Variants in ATP11A observed in about 807,000 individuals in gnomAD.
ATP11A encodes phospholipid-transporting ATPase IH.
A neutral mutation model predicts 154.4 loss-of-function variants in ATP11A; 81 were observed. That is an observed-to-expected ratio of 0.52 (90% CI 0.44 to 0.63). The LOEUF is 0.63. Among genes scored for constraint, ATP11A ranks in the 30% least tolerant of loss-of-function variants. The pLI, the probability that ATP11A is intolerant of heterozygous loss-of-function variation, is 0.00. For synonymous variants in ATP11A, 623 were observed against 585.9 expected (o/e 1.06, Z -0.91); for missense variants, 1,316 against 1,474.3 (o/e 0.89, Z 1.76).
At chr13:112,722,412 G>A (rs1889309964) in intron 1 of ATP11A, among the ~76,000 whole-genome samples, 3 of 152,160 alleles carry the variant, frequency 2.0e-5, no homozygotes, top group Non-Finnish European at 2.9e-5. Flanking sequence ...AGGAATGTCT[G>A]GGTTGGGGTA....
chr13:112,845,543 T>C (rs79918084), intron 17 of ATP11A, among the ~76,000 whole-genome samples: 733 of 53,454 alleles, frequency 0.014, 118 homozygotes, highest in African/African-American at 0.061. Context: ...GTCCAGTTGC[T>C]GGCACTAGCG....
At position 112,807,513 on chromosome 13, in the gene ATP11A, C is replaced by A. The variant is rs1223638708; in HGVS notation, c.333+1220C>A. 6.6e-6 allele frequency among the ~76,000 whole-genome samples: 1 copy of A among 152,198 alleles called. No homozygotes were observed. Among genetic ancestry groups the A allele is most frequent in the Non-Finnish European group, 1.5e-5 (1 of 68,028 alleles). On this transcript the variant is annotated intron_variant, in intron 4 of 29. Transcript: ENST00000375645. This position sits in a 1 kb window ranked among gnomAD's most constrained non-coding sequence, Gnocchi z 4.5. ...GAACAGAACATGAGGGAGACTCACG[C>A]TTCCCAAGGACGCGCTGCCTGTGAC...
At chr13:112,730,219 A>G (rs1251647097) in intron 1 of ATP11A, among the ~76,000 whole-genome samples, 1 of 152,218 alleles carries the variant, frequency 6.6e-6, no homozygotes, top group Non-Finnish European at 1.5e-5. Flanking sequence ...ACCTCGGAGG[A>G]GTCCAATCTG....
intron 6 of ATP11A, among the ~76,000 whole-genome samples, chr13:112,818,188 T>A (rs2078696906): frequency 6.7e-6 from 1 of 149,398 alleles, no homozygotes; most frequent in African/African-American, 2.5e-5. Context: ...TGACCGTCGG[T>A]GCGCTTGGTG....
At chr13:112,795,237 T>G (rs2077969668) in intron 2 of ATP11A, among the ~76,000 whole-genome samples, 1 of 152,198 alleles carries the variant, frequency 6.6e-6, no homozygotes, top group African/African-American at 2.4e-5. Context: ...AGAGTGAGAC[T>G]TCATCTCAAA....
intron 17 of ATP11A, among the ~76,000 whole-genome samples, chr13:112,846,473 G>C (rs919242408): frequency 6.6e-5 from 10 of 152,302 alleles, no homozygotes; most frequent in South Asian, 4.1e-4. Context: ...CGCCAGCGTG[G>C]TTTTGTATCC....
At chr13:112,791,125 C>T (rs1489061887) in intron 2 of ATP11A, among the ~76,000 whole-genome samples, 2 of 152,226 alleles carry the variant, frequency 1.3e-5, no homozygotes, top group African/African-American at 2.4e-5. Context: ...CCATCCCCCA[C>T]CCTCCAGCCC....
At chr13:112,698,444 G>A (rs1459990022) in intron 1 of ATP11A, among the ~76,000 whole-genome samples, 3 of 152,174 alleles carry the variant, frequency 2.0e-5, no homozygotes, top group Non-Finnish European at 4.4e-5. Context: ...CCCATGGTGC[G>A]TTTGTTTGTA....
chr13:112,826,896 G>A lies in ATP11A; in HGVS notation c.1221+5G>A. On this transcript the variant is annotated splice_donor_5th_base_variant and intron_variant, in intron 12 of 29. Coordinates refer to ENST00000375645, the MANE Select transcript of ATP11A (RefSeq NM_015205.3). ...CTCAATGAAGAGCTGGGACAGGTTG[G>A]TGTCTCCTGAGTCATCTGCTGTGAT... 1 of 1,614,186 alleles carries A rather than the reference G, an allele frequency of 6.2e-7. No individual in the cohort carries two copies. Among genetic ancestry groups the A allele is most frequent in the Non-Finnish European group, 8.5e-7 (1 of 1,180,016 alleles).
chr13:112,762,808 C>T (rs990986676), intron 1 of ATP11A, among the ~76,000 whole-genome samples: 1 of 152,220 alleles, frequency 6.6e-6, no homozygotes, highest in Non-Finnish European at 1.5e-5. Context: ...CACGGTATGA[C>T]GGGCAGCCCT....
chr13:112,768,743 G>A (rs930396060), intron 1 of ATP11A, among the ~76,000 whole-genome samples: 11 of 152,278 alleles, frequency 7.2e-5, no homozygotes, highest in South Asian at 4.2e-4. Context: ...GGGAATAAAC[G>A]CAGCGACCCC....
At chr13:112,713,972 C>CCTG (rs1888091144) in intron 1 of ATP11A, among the ~76,000 whole-genome samples, 7 of 125,634 alleles carry the variant, frequency 5.6e-5, no homozygotes, top group South Asian at 2.9e-4. Flanking sequence ...CCTTCCCACC[C>CCTG]AGCTTCCATT....
chr13:112,845,052 A>G (rs569014098), intron 17 of ATP11A, among the ~76,000 whole-genome samples: 8 of 148,264 alleles, frequency 5.4e-5, no homozygotes, highest in African/African-American at 2.1e-4. Flanking sequence ...TAGCCATACT[A>G]ACCAGTCCAG....
chr13:112,704,080 G>T (rs960795684), intron 1 of ATP11A, among the ~76,000 whole-genome samples: 2 of 152,194 alleles, frequency 1.3e-5, no homozygotes, highest in Non-Finnish European at 2.9e-5. Context: ...AATGGGATAC[G>T]CTGGTCCTGC....
intron 16 of ATP11A, among the ~76,000 whole-genome samples, chr13:112,837,677 C>G (rs59115010): frequency 1.1e-5 from 1 of 87,666 alleles, no homozygotes; most frequent in African/African-American, 7.3e-5. Flanking sequence ...AGCCACTCCC[C>G]GGAACCAGAC....
chr13:112,808,893 A>G (rs2078406092), intron 4 of ATP11A, among the ~76,000 whole-genome samples: 1 of 152,150 alleles, frequency 6.6e-6, no homozygotes, highest in Non-Finnish European at 1.5e-5. Flanking sequence ...CGTCCCAGCC[A>G]GGCTGGCTGG....
In ATP11A at chr13:112,845,714, A is replaced by T. The variant is rs1471723021; in HGVS notation, c.1809+3335A>T. On this transcript the variant is annotated intron_variant, in intron 17 of 29. Transcript: ENST00000375645. ...CAGTCCAGTTGCTGGCACTAGCGGTACTAACCAGTCCAGTTACCAGGCACT... is the reference window on the plus strand; with the variant it reads ...CAGTCCAGTTGCTGGCACTAGCGGTTCTAACCAGTCCAGTTACCAGGCACT... 1.4e-4 allele frequency among the ~76,000 whole-genome samples: 17 copies of T among 123,074 alleles called. 5 individuals are homozygous for T. Among genetic ancestry groups the T allele is most frequent in the African/African-American group, 4.7e-4 (12 of 25,674 alleles). The allele number at this position is 123,074 out of a possible 152,430, so 80.7% of individuals were successfully genotyped here. A position where few individuals can be genotyped will look rare whatever the true frequency, so the allele number is the denominator to read the frequency against.
rs373616234 is a variant in ATP11A, at chr13:112,883,595, C to T, written c.*1729C>T. The T allele has an allele frequency of 3.7e-5, 6 of 160,384 alleles. No individual in the cohort carries two copies. The highest frequency in any genetic ancestry group is 6.8e-5 in the Non-Finnish European group (5 of 73,642). 9.9% of individuals were successfully genotyped at this position (160,384 alleles called of 1,614,324 possible). On this transcript the variant is annotated 3_prime_UTR_variant, in exon 30 of 30. Coordinates refer to ENST00000375645, the MANE Select transcript of ATP11A (RefSeq NM_015205.3). Reference sequence around the variant, plus strand: ...TTATTTGAAGTAGAGGGTAAATCAGCGGTAAGAACAGTGAACACAGTGGTT... The same window carrying T: ...TTATTTGAAGTAGAGGGTAAATCAGTGGTAAGAACAGTGAACACAGTGGTT...
In ATP11A at chr13:112,746,542, G is replaced by C. The variant is rs1046752806; in HGVS notation, c.40-38593G>C. 6 of 152,076 alleles carry C rather than the reference G, an allele frequency of 3.9e-5. No individual in the cohort carries two copies. Among genetic ancestry groups the C allele is most frequent in the African/African-American group, 1.5e-4 (6 of 41,348 alleles). 9.4% of individuals were successfully genotyped at this position (152,076 alleles called of 1,614,324 possible). A position where few individuals can be genotyped will look rare whatever the true frequency, so the allele number is the denominator to read the frequency against. On this transcript the variant is annotated intron_variant, in intron 1 of 29. Coordinates refer to ENST00000375645, the MANE Select transcript of ATP11A (RefSeq NM_015205.3). The surrounding 1 kb of genome is among the most constrained non-coding windows in gnomAD (Gnocchi z 4.1). ...CTCCGTGTAGGTAGTATCTCATTGT[G>C]GGGTTTTGTTGTTGTTTTTTAGAGA...
Sources: allele counts gnomAD v4.1 joint callset (sites outside exome capture counted in the v4.1 genomes callset), GRCh38; gene constraint gnomAD v4.1.1; non-coding constraint Gnocchi (gnomAD v3.1); transcripts MANE v1.5; gene names NCBI Gene and HGNC (gene_info 2026-07-23, HGNC 2026-07-21).